Variants in KCNN2 observed in about 807,000 individuals in gnomAD.
KCNN2 encodes potassium calcium-activated channel subfamily N member 2.
A neutral mutation model predicts 55.5 loss-of-function variants in KCNN2; 24 were observed. That is an observed-to-expected ratio of 0.43 (90% CI 0.31 to 0.61). KCNN2 has a LOEUF of 0.61. KCNN2 is among the 20% of genes least tolerant of loss of function. KCNN2 has a pLI of 0.08. For synonymous variants in KCNN2, 431 were observed against 336.1 expected, an observed-to-expected ratio of 1.28 and a Z score of -3.09; for missense variants, 754 against 853.6, an observed-to-expected ratio of 0.88 and a Z score of 1.45.
intron 2 of KCNN2, among the ~76,000 whole-genome samples, chr5:114,371,266 G>A (rs546414542): frequency 6.6e-6 from 1 of 152,134 alleles, no homozygotes; most frequent in South Asian, 2.1e-4. Context: ...GAGGAAGTCT[G>A]TACCGGATAT....
At chr5:114,327,244 G>A (rs1016619589) in intron 2 of KCNN2, among the ~76,000 whole-genome samples, 1 of 152,192 alleles carries the variant, frequency 6.6e-6, no homozygotes, top group African/African-American at 2.4e-5. Flanking sequence ...GTGTATTAGA[G>A]CATCACTGGT....
intron 3 of KCNN2, 32 bp from the exon 4 acceptor site, chr5:114,463,017 A>G (rs754602997): frequency 6.2e-6 from 10 of 1,602,046 alleles, no homozygotes; most frequent in Middle Eastern, 1.7e-4. Context: ...GAGATTAATT[A>G]TAAAGGACTG....
chr5:114,342,081 T>G (rs529983936), intron 2 of KCNN2, among the ~76,000 whole-genome samples: 5 of 152,120 alleles, frequency 3.3e-5, no homozygotes, highest in Non-Finnish European at 5.9e-5. Context: ...TTTTGTATTT[T>G]TAGTAGAGAC....
At chr5:114,268,377 A>T (rs1755253486) in intron 2 of KCNN2, among the ~76,000 whole-genome samples, 1 of 152,254 alleles carries the variant, frequency 6.6e-6, no homozygotes, top group African/African-American at 2.4e-5. Flanking sequence ...CAAATGTTTT[A>T]TATAAAATTT....
intron 2 of KCNN2, among the ~76,000 whole-genome samples, chr5:114,381,532 A>G (rs772997771): frequency 2.6e-5 from 4 of 152,220 alleles, no homozygotes; most frequent in Non-Finnish European, 4.4e-5. Context: ...CACTGGTATA[A>G]TAAGACACAG....
chr5:114,266,010 A>C (rs1252581149), intron 2 of KCNN2, among the ~76,000 whole-genome samples: 2 of 152,220 alleles, frequency 1.3e-5, no homozygotes, highest in Admixed American at 6.5e-5. Flanking sequence ...AGCCACATGC[A>C]TAATGTTAGT....
intron 2 of KCNN2, among the ~76,000 whole-genome samples, chr5:114,270,943 T>TA (rs925582513): frequency 3.3e-5 from 5 of 152,124 alleles, no homozygotes; most frequent in African/African-American, 1.2e-4. Flanking sequence ...TGGTGAGTGT[T>TA]ACAGCTCATA....
chr5:114,061,564 A>G (rs750592193), intron 1 of KCNN2, among the ~76,000 whole-genome samples: 11 of 151,858 alleles, frequency 7.2e-5, no homozygotes, highest in Admixed American at 6.6e-5. Flanking sequence ...GTTCCCATTC[A>G]GGGATCTAGT....
chr5:114,171,649 G>C (rs917383826), intron 1 of KCNN2, among the ~76,000 whole-genome samples: 5 of 147,962 alleles, frequency 3.4e-5, no homozygotes, highest in Non-Finnish European at 6.0e-5. Flanking sequence ...TTAAAATTGT[G>C]GAATTCCAGA....
intron 3 of KCNN2, among the ~76,000 whole-genome samples, chr5:114,460,951 C>G (rs774390201): frequency 1.4e-4 from 22 of 152,168 alleles, no homozygotes; most frequent in South Asian, 6.2e-4. Flanking sequence ...ACAGACCATT[C>G]TTACGATAGG....
intron 4 of KCNN2, among the ~76,000 whole-genome samples, chr5:114,470,276 A>G (rs1282421001): frequency 6.6e-6 from 1 of 152,200 alleles, no homozygotes; most frequent in Non-Finnish European, 1.5e-5. Flanking sequence ...TCAACTTTTT[A>G]TGCCAACTAC....
intron 3 of KCNN2, among the ~76,000 whole-genome samples, chr5:114,432,379 A>C (rs552814158): frequency 6.6e-6 from 1 of 152,364 alleles, no homozygotes; most frequent in East Asian, 1.9e-4. Context: ...TCTGAAATTA[A>C]TATAGCTACT....
At position 114,398,964 on chromosome 5, in the gene KCNN2, A is replaced by G. The variant is rs546311117; in HGVS notation, c.1219-5474A>G. 2.6e-5 allele frequency among the ~76,000 whole-genome samples: 4 copies of G among 152,266 alleles called. No individual in the cohort carries two copies. The East Asian group carries it at 7.7e-4, about 29-fold the overall frequency. ...TGTGCAGAGACTATGGAGTTTTCTA[A>G]GTATAAAATCATGTCACCTGCAAAC... is the stretch of plus-strand genomic sequence containing the variant. On this transcript the variant is annotated intron_variant, in intron 2 of 7. Transcript: ENST00000673685.
chr5:114,327,511 G>A (rs1295274797), intron 2 of KCNN2, among the ~76,000 whole-genome samples: 2 of 152,100 alleles, frequency 1.3e-5, no homozygotes, highest in Admixed American at 6.6e-5. Flanking sequence ...GATAAAAAAC[G>A]CTGAGTTAAT....
intron 2 of KCNN2, among the ~76,000 whole-genome samples, chr5:114,296,837 A>G: frequency 6.6e-6 from 1 of 152,302 alleles, no homozygotes; most frequent in South Asian, 2.1e-4. Context: ...AAATGTGACA[A>G]TATATATTTC....
chr5:114,243,534 A>T (rs1385634305), intron 2 of KCNN2, among the ~76,000 whole-genome samples: 1 of 152,134 alleles, frequency 6.6e-6, no homozygotes, highest in Non-Finnish European at 1.5e-5. Flanking sequence ...TTAGTAGCTC[A>T]GTTATCAGAT....
At chr5:114,370,475 G>A (rs948598764) in intron 2 of KCNN2, among the ~76,000 whole-genome samples, 1 of 152,064 alleles carries the variant, frequency 6.6e-6, no homozygotes, top group Admixed American at 6.6e-5. Context: ...AAAATTTTTG[G>A]AAGTTGTGAT....
At chr5:114,439,221 G>A (rs1294341711) in intron 3 of KCNN2, among the ~76,000 whole-genome samples, 2 of 152,176 alleles carry the variant, frequency 1.3e-5, no homozygotes, top group Admixed American at 6.5e-5. Context: ...AGAAATGCAA[G>A]TAATAAGCTG....
At chr5:114,236,768 A>T (rs4705641) in intron 2 of KCNN2, among the ~76,000 whole-genome samples, 120,367 of 151,984 alleles carry the variant, frequency 0.79, 48,059 homozygotes, top group East Asian at 0.9. Flanking sequence ...CATTGCTTGT[A>T]TAAGTATTAT....
Sources: gnomAD v4.1 joint callset for allele counts (sites outside exome capture counted in the v4.1 genomes callset) on GRCh38, gnomAD v4.1.1 for gene constraint, MANE v1.5 for transcripts, NCBI Gene and HGNC (gene_info 2026-07-23, HGNC 2026-07-21) for gene names.